SPATA6: variants seen among roughly 807,000 people sequenced by gnomAD.
The protein encoded by SPATA6 is spermatogenesis associated 6.
A neutral mutation model predicts 65.3 loss-of-function variants in SPATA6; 56 were observed. The observed-to-expected ratio is 0.86, with a 90% confidence interval of 0.69 to 1.07. SPATA6 has a LOEUF of 1.07. SPATA6 is among the 50% of genes least tolerant of loss of function. The pLI is 0.00. For missense variants in SPATA6, 590 were observed against 594.8 expected, an observed-to-expected ratio of 0.99 and a Z score of 0.08; for synonymous variants, 199 against 213.2, an observed-to-expected ratio of 0.93 and a Z score of 0.58.
chr1:48,399,355 C>A lies in SPATA6; in HGVS notation c.776G>T (p.Arg259Ile), dbSNP rs1475384645. 9.9e-6 allele frequency: 16 copies of A among 1,611,544 alleles called. No homozygotes were observed. Among genetic ancestry groups the A allele is most frequent in the Non-Finnish European group, 1.4e-5 (16 of 1,178,794 alleles). Residue 259 changes from arginine (R) to isoleucine (I), a missense_variant, in exon 7 of 13, where the codon AGA becomes ATA. Coordinates refer to ENST00000371847, the MANE Select transcript of SPATA6 (RefSeq NM_019073.4). ...KETDKPPFVI[R>I]HVDPPSPRAD... ...AATGCTTAAGAGAACACATACATGT[C>A]TAATCACAAATGGAGGTTTATCTGT...
chr1:48,359,460 A>C, intron 10 of SPATA6, 126 bp downstream of exon 10: 1 of 1,090,544 alleles, frequency 9.2e-7, no homozygotes, highest in Non-Finnish European at 1.3e-6. Flanking sequence ...AAACAAAAAC[A>C]ATTTAAGCCT....
chr1:48,277,495 C>G, the SPATA6 span, among the ~76,000 whole-genome samples: 2 of 152,214 alleles, frequency 1.3e-5, no homozygotes, highest in Non-Finnish European at 2.9e-5. Flanking sequence ...GCTTTTCCGA[C>G]GGGCTTAAAA....
At chr1:48,339,354 T>C (rs893977644) in intron 11 of SPATA6, among the ~76,000 whole-genome samples, 1 of 152,010 alleles carries the variant, frequency 6.6e-6, no homozygotes, top group African/African-American at 2.4e-5. Context: ...TATAGACATA[T>C]AATATCTAGA....
chr1:48,314,835 C>T (rs766714788), intron 11 of SPATA6, among the ~76,000 whole-genome samples: 12 of 151,780 alleles, frequency 7.9e-5, no homozygotes, highest in African/African-American at 1.7e-4. Flanking sequence ...ATCAAATAAA[C>T]GCAATAAAAA....
At chr1:48,349,437 T>C (rs1646457764) in intron 11 of SPATA6, among the ~76,000 whole-genome samples, 1 of 152,026 alleles carries the variant, frequency 6.6e-6, no homozygotes, top group South Asian at 2.1e-4. Flanking sequence ...ATGTCTTACA[T>C]TTTAATATTG....
chr1:48,422,791 T>A (rs1487876568), intron 3 of SPATA6, among the ~76,000 whole-genome samples: 1 of 152,190 alleles, frequency 6.6e-6, no homozygotes, highest in Non-Finnish European at 1.5e-5. Context: ...GGGGAAGTAT[T>A]CAGCAATGTC....
intron 3 of SPATA6, among the ~76,000 whole-genome samples, chr1:48,424,651 T>C (rs1156891024): frequency 6.6e-6 from 1 of 152,146 alleles, no homozygotes; most frequent in Non-Finnish European, 1.5e-5. Flanking sequence ...CCAGCATTTG[T>C]TATTTCTTGT....
intron 11 of SPATA6, among the ~76,000 whole-genome samples, chr1:48,339,732 T>C (rs991209103): frequency 2.6e-5 from 4 of 151,700 alleles, no homozygotes; most frequent in Non-Finnish European, 5.9e-5. Context: ...AAATAGCAAA[T>C]AGAATGATAA....
intron 3 of SPATA6, among the ~76,000 whole-genome samples, chr1:48,441,229 T>G (rs1156403701): frequency 6.6e-6 from 1 of 152,294 alleles, no homozygotes; most frequent in Non-Finnish European, 1.5e-5. Context: ...TCACCCTCAC[T>G]GAGCCCCGGG....
At chr1:48,355,893 G>A in intron 10 of SPATA6, 124 bp from the exon 11 acceptor site, 1 of 645,794 alleles carries the variant, frequency 1.5e-6, no homozygotes. Context: ...ACATTGGGGA[G>A]AACATACCTA....
chr1:48,366,742 A>T (rs1208106926), intron 9 of SPATA6, among the ~76,000 whole-genome samples: 1 of 152,008 alleles, frequency 6.6e-6, no homozygotes. Flanking sequence ...TTTTCAAAAA[A>T]CCAGCTCCTG....
the SPATA6 span, among the ~76,000 whole-genome samples, chr1:48,266,676 C>T: frequency 1.3e-5 from 2 of 152,146 alleles, no homozygotes; most frequent in Non-Finnish European, 2.9e-5. Context: ...GAAAATACTT[C>T]GTAATTCAAA....
At chr1:48,320,239 T>C (rs538900078) in intron 11 of SPATA6, among the ~76,000 whole-genome samples, 1 of 152,272 alleles carries the variant, frequency 6.6e-6, no homozygotes, top group South Asian at 2.1e-4. Flanking sequence ...TAGATAAAGA[T>C]ATTGGTAATC....
intron 3 of SPATA6, among the ~76,000 whole-genome samples, chr1:48,431,016 C>T (rs1351971404): frequency 6.6e-6 from 1 of 152,030 alleles, no homozygotes; most frequent in Non-Finnish European, 1.5e-5. Flanking sequence ...GATATGCTGT[C>T]TACAAGGCGC....
chr1:48,325,185 G>T (rs1378877731), intron 11 of SPATA6: 15 of 679,326 alleles, frequency 2.2e-5, no homozygotes, highest in Non-Finnish European at 3.7e-5. Context: ...GCAAGGTTTG[G>T]TGCAGGGTTC....
At chr1:48,439,479 T>A (rs995760334) in intron 3 of SPATA6, among the ~76,000 whole-genome samples, 1 of 143,204 alleles carries the variant, frequency 7.0e-6, no homozygotes, top group Non-Finnish European at 1.5e-5. Context: ...TGGGCAAGAG[T>A]GATTTCTGCT....
intron 3 of SPATA6, among the ~76,000 whole-genome samples, chr1:48,451,037 A>G (rs1656518740): frequency 6.6e-6 from 1 of 152,204 alleles, no homozygotes; most frequent in Non-Finnish European, 1.5e-5. Flanking sequence ...TAGTTATTCT[A>G]AGTAGTTTGA....
intron 11 of SPATA6, among the ~76,000 whole-genome samples, chr1:48,341,812 G>C (rs1010224465): frequency 1.3e-5 from 2 of 152,108 alleles, no homozygotes; most frequent in Non-Finnish European, 2.9e-5. Flanking sequence ...TAGTTAAGTT[G>C]AGAAAGGCAT....
chr1:48,283,401 C>T, the SPATA6 span, among the ~76,000 whole-genome samples: 1 of 151,034 alleles, frequency 6.6e-6, no homozygotes, highest in African/African-American at 2.4e-5. Context: ...CTTTTCTTGG[C>T]TGGGCGCAGT....
Sources: allele counts gnomAD v4.1 joint callset (sites outside exome capture counted in the v4.1 genomes callset), GRCh38; gene constraint gnomAD v4.1.1; transcripts MANE v1.5; gene names NCBI Gene and HGNC (gene_info 2026-07-23, HGNC 2026-07-21).